Variants in FXR1 observed in about 807,000 individuals in gnomAD.
FXR1 encodes the protein RNA-binding protein FXR1.
FXR1 carries 15 observed loss-of-function variants against 84.0 expected under a neutral mutation model. The ratio of observed to expected loss-of-function variants is 0.18; its 90% CI spans 0.12 to 0.27. The LOEUF (loss-of-function observed/expected upper bound fraction) is 0.27. Among genes scored for constraint, FXR1 ranks in the 10% least tolerant of loss-of-function variants. The pLI is 1.00. For missense variants in FXR1, 480 were observed against 774.4 expected (o/e 0.62, Z 4.51); for synonymous variants, 245 against 250.7 (o/e 0.98, Z 0.21).
intron 7 of FXR1, among the ~76,000 whole-genome samples, chr3:180,949,748 C>G (rs531246719): frequency 6.6e-6 from 1 of 152,182 alleles, no homozygotes; most frequent in Non-Finnish European, 1.5e-5. Context: ...ACCTCTGTTT[C>G]GTGACTGTTT....
At chr3:180,928,822 T>G (rs534097182) in intron 1 of FXR1, among the ~76,000 whole-genome samples, 12 of 152,332 alleles carry the variant, frequency 7.9e-5, no homozygotes, top group African/African-American at 2.9e-4. Context: ...TATACTAGAT[T>G]GCTTTTGAAA....
At chr3:180,973,884 C>G (rs796307570) in intron 15 of FXR1, among the ~76,000 whole-genome samples, 76 of 152,210 alleles carry the variant, frequency 5.0e-4, no homozygotes, top group African/African-American at 1.8e-3. Context: ...TAAATACCAT[C>G]CAGCTTTTTA....
At chr3:180,964,623 TG>T (rs1164205543) in intron 13 of FXR1, among the ~76,000 whole-genome samples, 4 of 150,710 alleles carry the variant, frequency 2.7e-5, no homozygotes, top group African/African-American at 9.8e-5. Context: ...CATTTGAATT[TG>T]GTTGTAGACG....
intron 1 of FXR1, among the ~76,000 whole-genome samples, chr3:180,919,498 G>A (rs890236417): frequency 2.3e-4 from 35 of 151,744 alleles, no homozygotes; most frequent in African/African-American, 8.5e-4. Flanking sequence ...TTGGCCGGCT[G>A]GTTTCGAACT....
At chr3:180,915,955 A>C (rs1467040634) in intron 1 of FXR1, among the ~76,000 whole-genome samples, 1 of 152,234 alleles carries the variant, frequency 6.6e-6, no homozygotes, top group Admixed American at 6.5e-5. Context: ...AGATATTAGA[A>C]ACTTGATTTG....
intron 15 of FXR1, 136 bp downstream of exon 15, chr3:180,970,494 G>C: frequency 4.8e-6 from 1 of 208,492 alleles, no homozygotes; most frequent in Non-Finnish European, 9.0e-6. Flanking sequence ...CTTTTTCTTA[G>C]TGTTTACTTT....
intron 1 of FXR1, among the ~76,000 whole-genome samples, chr3:180,914,094 A>T (rs1385857811): frequency 1.3e-5 from 2 of 152,226 alleles, no homozygotes; most frequent in African/African-American, 4.8e-5. Context: ...CTTAGGTGGT[A>T]AACTTAAAGT....
intron 3 of FXR1, among the ~76,000 whole-genome samples, chr3:180,936,125 C>T (rs913063840): frequency 4.0e-5 from 6 of 151,622 alleles, no homozygotes; most frequent in African/African-American, 9.7e-5. Flanking sequence ...CTCCTGACCT[C>T]AGGTGATCTG....
intron 3 of FXR1, among the ~76,000 whole-genome samples, chr3:180,947,346 C>T (rs970173867): frequency 6.6e-6 from 1 of 152,158 alleles, no homozygotes; most frequent in Non-Finnish European, 1.5e-5. Context: ...TGCGTCCGGC[C>T]TGGATAGGAA....
intron 6 of FXR1, 31 bp downstream of exon 6, chr3:180,948,845 A>C (rs1420879192): frequency 1.1e-6 from 1 of 905,412 alleles, no homozygotes; most frequent in East Asian, 2.4e-5. Flanking sequence ...AAGGTAGCTT[A>C]TTAATGGATA....
chr3:180,952,849 A>C (rs867927330), intron 8 of FXR1, among the ~76,000 whole-genome samples: 1 of 124,156 alleles, frequency 8.1e-6, no homozygotes, highest in Non-Finnish European at 1.7e-5. Flanking sequence ...TTTTTTTTTT[A>C]AAGAGACAGG....
intron 5 of FXR1, 99 bp downstream of exon 5, chr3:180,948,594 G>A: frequency 1.9e-6 from 2 of 1,033,596 alleles, no homozygotes; most frequent in East Asian, 2.4e-5. Context: ...CCTTCTGATG[G>A]AAAATCATCT....
intron 1 of FXR1, among the ~76,000 whole-genome samples, chr3:180,919,477 G>A (rs551645780): frequency 6.6e-6 from 1 of 151,534 alleles, no homozygotes; most frequent in Admixed American, 6.6e-5. Flanking sequence ...TAGAGACAGG[G>A]TTTCACCATG....
At chr3:180,915,209 C>T (rs1464867118) in intron 1 of FXR1, among the ~76,000 whole-genome samples, 3 of 152,062 alleles carry the variant, frequency 2.0e-5, no homozygotes, top group Non-Finnish European at 4.4e-5. Context: ...GTAAAATAAG[C>T]CTTTTTTGGT....
chr3:180,923,720 C>T (rs1481235349), intron 1 of FXR1, among the ~76,000 whole-genome samples: 1 of 152,130 alleles, frequency 6.6e-6, no homozygotes, highest in Non-Finnish European at 1.5e-5. Context: ...TAAGAATCTT[C>T]ACCTCCTTTA....
At position 180,976,245 on chromosome 3, in the gene FXR1, A is replaced by C; in HGVS notation, c.1819A>C (p.Lys607Gln). Reference sequence around the variant, plus strand: ...AGGAGAAGAAAAGATTAATACCTTAAAAGAAGAAAACACTCAAGAAGCAGC... The same window carrying C: ...AGGAGAAGAAAAGATTAATACCTTACAAGAAGAAAACACTCAAGAAGCAGC... ...TPGEEKINTL[K>Q]EENTQEAAVL... Residue 607 changes from lysine (K) to glutamine (Q), a missense_variant, in exon 17 of 17, where the codon AAA (lysine) becomes CAA (glutamine). Coordinates refer to ENST00000357559, the MANE Select transcript of FXR1 (RefSeq NM_005087.4). 3 of 1,612,318 alleles carry C rather than the reference A, an allele frequency of 1.9e-6. No homozygotes were observed. Among genetic ancestry groups the C allele is most frequent in the Non-Finnish European group, 2.5e-6 (3 of 1,178,776 alleles).
rs377637427 is a variant in FXR1 at position 180,912,695 on chromosome 3, C to T, written c.10C>T (p.Leu4=). 2 of 1,613,958 alleles carry T rather than the reference C, an allele frequency of 1.2e-6. No homozygotes were observed. Among genetic ancestry groups the T allele is most frequent in the East Asian group, 2.2e-5 (1 of 44,850 alleles). The change falls in exon 1 of 17, where the codon CTG becomes TTG. Residue 4 remains leucine, a synonymous_variant. Coordinates refer to ENST00000357559, the MANE Select transcript of FXR1 (RefSeq NM_005087.4). The stretch of plus-strand genomic sequence containing the variant: ...CCTTTGCGGTTCCAACATGGCGGAG[C>T]TGACGGTGGAGGTTCGCGGCTCTAA... MAE[L]TVEVRGSNGA... is the part of the protein sequence containing the mutation.
At chr3:180,928,991 G>T (rs1022872970) in intron 1 of FXR1, among the ~76,000 whole-genome samples, 6 of 151,272 alleles carry the variant, frequency 4.0e-5, no homozygotes, top group Admixed American at 4.0e-4. Flanking sequence ...GCGCTTTCTC[G>T]GCTCACTGCA....
intron 1 of FXR1, chr3:180,914,828 G>A (rs1230109913): frequency 3.0e-6 from 3 of 984,894 alleles, no homozygotes; most frequent in Non-Finnish European, 3.6e-6. Flanking sequence ...CTAGCCACCT[G>A]TGTGTGCACT....
Sources: allele counts gnomAD v4.1 joint callset (sites outside exome capture counted in the v4.1 genomes callset), GRCh38; gene constraint gnomAD v4.1.1; transcripts MANE v1.5; gene names NCBI Gene and HGNC (gene_info 2026-07-23, HGNC 2026-07-21).